TET3: variants seen among roughly 807,000 people sequenced by gnomAD.
TET3 encodes the protein methylcytosine dioxygenase TET3.
Under a neutral mutation model 141.4 loss-of-function variants are expected in TET3, and 19 were observed. The observed-to-expected ratio is 0.13, with a 90% CI of 0.09 to 0.20. The LOEUF is 0.20. Ranked by LOEUF, TET3 falls within the 10% of genes least tolerant of loss-of-function variation. The pLI, the probability that TET3 is intolerant of heterozygous loss-of-function variation, is 1.00. For missense variants in TET3, 1,874 were observed against 2,356.9 expected, an observed-to-expected ratio of 0.80 and a Z score of 4.24; for synonymous variants, 1,043 against 980.9, an observed-to-expected ratio of 1.06 and a Z score of -1.18.
intron 4 of TET3, among the ~76,000 whole-genome samples, chr2:74,067,364 A>G (rs1442099866): frequency 6.6e-6 from 1 of 152,206 alleles, no homozygotes; most frequent in East Asian, 1.9e-4. Context: ...ACAGTCACAT[A>G]GTTTGTTTGG....
chr2:74,119,956 CTT>C, the TET3 span, among the ~76,000 whole-genome samples: 1 of 152,222 alleles, frequency 6.6e-6, no homozygotes, highest in Non-Finnish European at 1.5e-5. Context: ...CCCCTTCAAA[CTT>C]ATTCCTGTGG....
chr2:74,112,295 A>C (rs549133721), downstream of TET3, among the ~76,000 whole-genome samples: 4 of 152,170 alleles, frequency 2.6e-5, no homozygotes, highest in East Asian at 7.7e-4. Flanking sequence ...TGGCCTCTCA[A>C]ATATGAAGGG....
At position 74,075,454 on chromosome 2, in the gene TET3, G is replaced by A. The variant is rs377008149; in HGVS notation, c.2585+1815G>A. On this transcript the variant is annotated intron_variant, in intron 5 of 11. Transcript: ENST00000409262. ...AGCAATTTTCCTGTCTCAGTCTCCCGAGTACCTGAGACTACAGGTACATGC... is the reference window on the plus strand; with the variant it reads ...AGCAATTTTCCTGTCTCAGTCTCCCAAGTACCTGAGACTACAGGTACATGC... Among the ~76,000 whole-genome samples, 59 of 145,074 alleles carry A rather than the reference G, an allele frequency of 4.1e-4. 1 individual carries two copies. The East Asian group carries it at 5.9e-3, about 15-fold the overall frequency.
intron 4 of TET3, among the ~76,000 whole-genome samples, chr2:74,069,912 A>G (rs1445569892): frequency 1.3e-5 from 2 of 152,124 alleles, no homozygotes; most frequent in Non-Finnish European, 2.9e-5. Context: ...ATGCCTTTCT[A>G]ATCACATTCC....
At chr2:74,117,196 G>A in the TET3 span, among the ~76,000 whole-genome samples, 3 of 152,014 alleles carry the variant, frequency 2.0e-5, no homozygotes, top group Admixed American at 6.5e-5. Flanking sequence ...ACTGCCTCGG[G>A]CTCCCAAGTA....
intron 4 of TET3, among the ~76,000 whole-genome samples, chr2:74,050,531 A>G (rs1307031114): frequency 6.6e-6 from 1 of 152,208 alleles, no homozygotes; most frequent in African/African-American, 2.4e-5. Context: ...GAAATGGTTC[A>G]TCACTGAAGG....
intron 4 of TET3, among the ~76,000 whole-genome samples, chr2:74,060,418 T>C (rs2103815045): frequency 6.6e-6 from 1 of 152,348 alleles, no homozygotes; most frequent in Middle Eastern, 3.4e-3. Flanking sequence ...GATACGTGTA[T>C]TGCAGTTCTC....
At chr2:73,999,252 G>C (rs149116195) in intron 2 of TET3, among the ~76,000 whole-genome samples, 1 of 152,150 alleles carries the variant, frequency 6.6e-6, no homozygotes, top group Non-Finnish European at 1.5e-5. Context: ...GTGAGGGGGT[G>C]GCAAGAACCC....
At chr2:73,987,128 TGATGCCCTGATGGAGTGG>T (rs1684072459) in intron 2 of TET3, among the ~76,000 whole-genome samples, 1 of 152,234 alleles carries the variant, frequency 6.6e-6, no homozygotes, top group Admixed American at 6.5e-5. Context: ...GGTGGTTTTA[TGATGCCCTGATGGAGTGG>T]GATGTTTCTT....
Position 74,103,087 on chromosome 2 carries a change from G to T in TET3, c.*911G>T, listed in dbSNP as rs1360216869. The T allele has an allele frequency of 3.3e-5, 5 of 152,244 alleles. No homozygotes were observed. Among genetic ancestry groups the T allele is most frequent in the African/African-American group, 4.8e-5 (2 of 41,446 alleles). The allele number at this position is 152,244 out of a possible 1,614,324, so 9.4% of individuals were successfully genotyped here. On this transcript the variant is annotated 3_prime_UTR_variant, in exon 12 of 12. Transcript: ENST00000409262. ...GAGCTGGAGTGCGAGGTTCTTAGGG[G>T]CCGTGCCCACCATGTTGCCAAGCCA...
At chr2:74,133,760 T>C in the TET3 span, among the ~76,000 whole-genome samples, 1 of 152,224 alleles carries the variant, frequency 6.6e-6, no homozygotes, top group East Asian at 1.9e-4. Context: ...TGTTTGTTTT[T>C]TTGAGACGGA....
At chr2:74,003,866 G>C (rs935963132) in intron 3 of TET3, among the ~76,000 whole-genome samples, 1 of 151,844 alleles carries the variant, frequency 6.6e-6, no homozygotes, top group Non-Finnish European at 1.5e-5. Flanking sequence ...GCGGGGAGCT[G>C]GGGTGTTTGA....
At chr2:73,985,577 C>G (rs368220270) in intron 1 of TET3, among the ~76,000 whole-genome samples, 1 of 150,100 alleles carries the variant, frequency 6.7e-6, no homozygotes, top group African/African-American at 2.4e-5. Flanking sequence ...GCTTCCGTGC[C>G]GGGGGCGCCG....
At chr2:74,127,486 C>G in the TET3 span, among the ~76,000 whole-genome samples, 6 of 152,290 alleles carry the variant, frequency 3.9e-5, no homozygotes, top group Non-Finnish European at 8.8e-5. Flanking sequence ...CCTCTTCCTT[C>G]AGCACTAGTA....
intron 2 of TET3, among the ~76,000 whole-genome samples, chr2:73,996,505 AT>A (rs775849550): frequency 1.3e-5 from 2 of 151,372 alleles, no homozygotes; most frequent in African/African-American, 2.4e-5. Context: ...ATAACCTAAG[AT>A]TTTTTTTTAT....
At chr2:74,074,826 G>A (rs1227157460) in intron 5 of TET3, among the ~76,000 whole-genome samples, 32 of 152,344 alleles carry the variant, frequency 2.1e-4, no homozygotes, top group Non-Finnish European at 1.0e-4. Flanking sequence ...CAAATGCACT[G>A]ATTGCATTTT....
chr2:74,011,794 T>A (rs1685448602), intron 3 of TET3, among the ~76,000 whole-genome samples: 1 of 151,962 alleles, frequency 6.6e-6, no homozygotes, highest in South Asian at 2.1e-4. Context: ...TCCCAGCACT[T>A]TGGGAGGCCA....
downstream of TET3, among the ~76,000 whole-genome samples, chr2:74,110,143 T>G (rs1221147086): frequency 2.0e-5 from 3 of 152,136 alleles, no homozygotes; most frequent in East Asian, 1.9e-4. Flanking sequence ...CCAAGACTAG[T>G]CTTGGGACCA....
intron 7 of TET3, among the ~76,000 whole-genome samples, chr2:74,088,283 G>A (rs1298839437): frequency 1.3e-5 from 2 of 152,148 alleles, no homozygotes; most frequent in Admixed American, 6.5e-5. Context: ...CGATAACACT[G>A]GCACTAATGA....
Sources: allele counts gnomAD v4.1 joint callset (sites outside exome capture counted in the v4.1 genomes callset), GRCh38; gene constraint gnomAD v4.1.1; transcripts MANE v1.5; gene names NCBI Gene and HGNC (gene_info 2026-07-23, HGNC 2026-07-21).